The following MIS18A variants were observed in gnomAD, a reference collection of about 807,000 sequenced individuals.
MIS18A encodes the protein MIS18 kinetochore protein A.
MIS18A carries 14 observed loss-of-function variants against 25.0 expected under a neutral mutation model. That is an observed-to-expected ratio of 0.56 (90% CI 0.37 to 0.88). The LOEUF is 0.88. Among genes scored for constraint, MIS18A ranks in the 40% least tolerant of loss-of-function variants. The pLI, the probability that MIS18A is intolerant of heterozygous loss-of-function variation, is 0.00. For missense variants in MIS18A, 292 were observed against 290.8 expected, an observed-to-expected ratio of 1.00 and a Z score of -0.03; for synonymous variants, 134 against 118.6, an observed-to-expected ratio of 1.13 and a Z score of -0.84.
At chr21:32,163,848 G>A in the MIS18A span, among the ~76,000 whole-genome samples, 2 of 152,100 alleles carry the variant, frequency 1.3e-5, no homozygotes, top group Admixed American at 1.3e-4. Context: ...TGTTTGTGTT[G>A]CTATAAAGGG....
chr21:32,166,121 G>A, the MIS18A span, among the ~76,000 whole-genome samples: 2 of 152,138 alleles, frequency 1.3e-5, no homozygotes, highest in Non-Finnish European at 2.9e-5. Flanking sequence ...CAAAAGAGAC[G>A]CACAGGACAA....
the MIS18A span, chr21:32,156,341 T>C: frequency 6.6e-6 from 1 of 152,218 alleles, no homozygotes; most frequent in Non-Finnish European, 1.5e-5. Flanking sequence ...CTTTAGTTAA[T>C]ATTCCATAGC....
chr21:32,273,199 T>C (rs945819386), intron 2 of MIS18A, among the ~76,000 whole-genome samples: 1 of 151,886 alleles, frequency 6.6e-6, no homozygotes, highest in African/African-American at 2.4e-5. Flanking sequence ...AAGACCTTTC[T>C]AGGTACACCA....
chr21:32,216,177 A>T, the MIS18A span, among the ~76,000 whole-genome samples: 1 of 151,950 alleles, frequency 6.6e-6, no homozygotes, highest in African/African-American at 2.4e-5. Context: ...GAATCTTGGT[A>T]AAAAAATAGA....
the MIS18A span, among the ~76,000 whole-genome samples, chr21:32,257,840 A>C: frequency 6.6e-6 from 1 of 152,178 alleles, no homozygotes; most frequent in Non-Finnish European, 1.5e-5. Context: ...CACTTAATGC[A>C]CGAGTATTTT....
intron 1 of MIS18A, chr21:32,278,312 G>A (rs1011303152): frequency 1.8e-5 from 4 of 224,418 alleles, no homozygotes; most frequent in African/African-American, 9.1e-5. Flanking sequence ...AATTTCTATG[G>A]GGAGTAATAG....
rs567503384 is a variant in MIS18A at position 32,278,219 on chromosome 21, C to T, written c.334+462G>A. On this transcript the variant is annotated intron_variant, in intron 1 of 4. Coordinates refer to ENST00000290130, the MANE Select transcript of MIS18A (RefSeq NM_018944.3). Reference sequence around the variant, plus strand: ...TATTGCAAGTTTCCTTCCCTTTCTTCCCTATAGCACTGTGTTCCGTCAACT... The same window carrying T: ...TATTGCAAGTTTCCTTCCCTTTCTTTCCTATAGCACTGTGTTCCGTCAACT... The T allele has an allele frequency of 9.1e-4, 145 of 158,910 alleles. No homozygotes were observed. The South Asian group carries it at 0.013, about 14-fold the overall frequency. 9.8% of individuals were successfully genotyped at this position (158,910 alleles called of 1,614,324 possible).
chr21:32,214,687 G>T, the MIS18A span, among the ~76,000 whole-genome samples: 1 of 152,210 alleles, frequency 6.6e-6, no homozygotes. Flanking sequence ...CTGGAGTCCA[G>T]ATTGGAAAAC....
chr21:32,229,199 A>G, the MIS18A span, among the ~76,000 whole-genome samples: 6 of 152,228 alleles, frequency 3.9e-5, no homozygotes, highest in Non-Finnish European at 7.3e-5. Context: ...CAAATGAGAT[A>G]AATAAGAGAA....
At chr21:32,160,469 G>A in the MIS18A span, among the ~76,000 whole-genome samples, 1 of 152,110 alleles carries the variant, frequency 6.6e-6, no homozygotes. Context: ...AGACTCAGGA[G>A]CTCCTGACAA....
chr21:32,272,975 T>G lies in MIS18A; in HGVS notation c.401+1855A>C, dbSNP rs1028300093. Among the ~76,000 whole-genome samples, 3 of 152,282 alleles carry G rather than the reference T, an allele frequency of 2.0e-5. No individual in the cohort carries two copies. In the East Asian group the frequency reaches 5.8e-4, roughly 29 times the overall value. ...AGTTCTAGCCTCCCTGGGCCTAACT[T>G]TCTTCAACTACCAAATGAGAAATGA... On this transcript the variant is annotated intron_variant, in intron 2 of 4. Transcript: ENST00000290130.
chr21:32,205,084 A>G, the MIS18A span, among the ~76,000 whole-genome samples: 1 of 144,896 alleles, frequency 6.9e-6, no homozygotes, highest in Non-Finnish European at 1.5e-5. Context: ...TTACATCCTT[A>G]TAAGAACTTG....
At chr21:32,156,721 C>T in the MIS18A span, among the ~76,000 whole-genome samples, 6 of 151,986 alleles carry the variant, frequency 3.9e-5, no homozygotes, top group Admixed American at 6.5e-5. Flanking sequence ...GGGTTTCCAG[C>T]GGGGGGTTGC....
At chr21:32,154,733 A>G in the MIS18A span, among the ~76,000 whole-genome samples, 1 of 151,904 alleles carries the variant, frequency 6.6e-6, no homozygotes, top group Non-Finnish European at 1.5e-5. Context: ...TTGTCGCAGG[A>G]GAAGTTATAT....
the MIS18A span, among the ~76,000 whole-genome samples, chr21:32,220,473 G>A: frequency 1.3e-5 from 2 of 152,096 alleles, no homozygotes; most frequent in African/African-American, 4.8e-5. Context: ...CCCATCCGAA[G>A]GTCACCAACA....
At chr21:32,262,242 G>A in the MIS18A span, among the ~76,000 whole-genome samples, 4 of 152,188 alleles carry the variant, frequency 2.6e-5, no homozygotes, top group African/African-American at 4.8e-5. Context: ...CTAAATGATC[G>A]TTAAGTGCTA....
chr21:32,264,022 G>T (rs1254186723), downstream of MIS18A, among the ~76,000 whole-genome samples: 2 of 151,944 alleles, frequency 1.3e-5, no homozygotes, highest in Non-Finnish European at 2.9e-5. Context: ...AGTAAACTCA[G>T]TTGTTAAATA....
chr21:32,216,108 T>G, the MIS18A span, among the ~76,000 whole-genome samples: 1 of 152,066 alleles, frequency 6.6e-6, no homozygotes, highest in African/African-American at 2.4e-5. Flanking sequence ...TTTCAGAAAT[T>G]TAGAAATTAA....
the MIS18A span, among the ~76,000 whole-genome samples, chr21:32,237,555 A>G: frequency 6.6e-6 from 1 of 152,258 alleles, no homozygotes; most frequent in African/African-American, 2.4e-5. Context: ...GTTGATAAGC[A>G]AATTACAGAT....
Sources: gnomAD v4.1 joint callset for allele counts (sites outside exome capture counted in the v4.1 genomes callset) on GRCh38, gnomAD v4.1.1 for gene constraint, MANE v1.5 for transcripts, NCBI Gene and HGNC (gene_info 2026-07-23, HGNC 2026-07-21) for gene names.